The following ARSG variants were observed in gnomAD, a reference collection of about 807,000 sequenced individuals.
ARSG encodes ASG.
Under a neutral mutation model 50.5 loss-of-function variants are expected in ARSG, and 37 were observed. That is an observed-to-expected ratio of 0.73 (90% CI 0.56 to 0.96). The LOEUF is 0.96. Ranked by LOEUF, ARSG falls within the 50% of genes least tolerant of loss-of-function variation. The pLI is 0.00. For missense variants in ARSG, 629 were observed against 675.3 expected (o/e 0.93, Z 0.76); for synonymous variants, 225 against 254.6 (o/e 0.88, Z 1.11).
Position 68,299,628 on chromosome 17 carries a change from G to A in ARSG, c.-551-7315G>A, listed in dbSNP as rs554587555. On this transcript the variant is annotated intron_variant, in intron 1 of 11. Coordinates refer to ENST00000621439, the MANE Select transcript of ARSG (RefSeq NM_001267727.2). ...TGAGAAATGTTACAGGGCAAACACC[G>A]TAATTTATTTACAAATCTATGCAGA... 5.3e-5 allele frequency among the ~76,000 whole-genome samples: 8 copies of A among 152,150 alleles called. No individual in the cohort carries two copies. In the East Asian group the frequency reaches 5.8e-4, roughly 11 times the overall value.
chr17:68,445,704 T>G, the ARSG span, among the ~76,000 whole-genome samples: 1 of 152,184 alleles, frequency 6.6e-6, no homozygotes, highest in Non-Finnish European at 1.5e-5. Context: ...ATCGGGTGTT[T>G]AAAGGAATAT....
chr17:68,365,752 T>C (rs1290838045), intron 6 of ARSG, among the ~76,000 whole-genome samples: 1 of 152,124 alleles, frequency 6.6e-6, no homozygotes. Context: ...GATTTCCAGC[T>C]ATGGAGATGT....
the ARSG span, among the ~76,000 whole-genome samples, chr17:68,437,948 TA>T: frequency 0.16 from 12,115 of 77,434 alleles, 816 homozygotes; most frequent in East Asian, 0.28. Flanking sequence ...ACATCTCTCT[TA>T]AAAAAAAAAA....
Position 68,282,724 on chromosome 17 carries a change from A to G in ARSG, c.-552+23298A>G, listed in dbSNP as rs1599549086. 2.1e-5 allele frequency among the ~76,000 whole-genome samples: 3 copies of G among 144,738 alleles called. No individual in the cohort carries two copies. The South Asian group carries it at 6.9e-4, about 33-fold the overall frequency. 95.0% of individuals were successfully genotyped at this position (144,738 alleles called of 152,430 possible). Reference sequence around the variant, plus strand: ...TTTGGGAGGCCGAGATGGGTGGATCATGAGGTCAGGAGTTTGAGAGCAGTC... The same window carrying G: ...TTTGGGAGGCCGAGATGGGTGGATCGTGAGGTCAGGAGTTTGAGAGCAGTC... On this transcript the variant is annotated intron_variant, in intron 1 of 11. Coordinates refer to the ARSG transcript ENST00000448504.
chr17:68,428,896 C>T, the ARSG span: 1 of 1,614,012 alleles, frequency 6.2e-7, no homozygotes, highest in Admixed American at 1.7e-5. Flanking sequence ...TAAAGGTGTC[C>T]ACTGGATGAC....
chr17:68,264,501 G>A (rs142433983), intron 1 of ARSG, among the ~76,000 whole-genome samples: 51 of 152,016 alleles, frequency 3.4e-4, no homozygotes, highest in African/African-American at 1.1e-3. Context: ...GTACAATGGC[G>A]CAATCTTGGC....
the ARSG span, chr17:68,429,979 G>A: frequency 6.2e-7 from 1 of 1,613,898 alleles, no homozygotes; most frequent in Non-Finnish European, 8.5e-7. Context: ...GTTCAGAGTG[G>A]GTGTCATTGT....
intron 11 of ARSG, among the ~76,000 whole-genome samples, chr17:68,412,011 T>G (rs1400272338): frequency 6.6e-6 from 1 of 152,220 alleles, no homozygotes; most frequent in Admixed American, 6.5e-5. Flanking sequence ...AGCCTATGTG[T>G]GTCTCTGCAG....
At chr17:68,318,661 G>A (rs1599699856) in intron 2 of ARSG, among the ~76,000 whole-genome samples, 1 of 152,182 alleles carries the variant, frequency 6.6e-6, no homozygotes, top group Non-Finnish European at 1.5e-5. Context: ...ACTTATGTAC[G>A]TTGATTTGCA....
chr17:68,421,657 C>T (rs996553791), downstream of ARSG: 34 of 1,463,178 alleles, frequency 2.3e-5, no homozygotes, highest in Admixed American at 1.5e-4. Flanking sequence ...GTGGAGCACC[C>T]GGGATTCCTG....
rs986392157 is a variant in ARSG at position 68,356,770 on chromosome 17, G to T, written c.670G>T (p.Ala224Ser). The change falls in exon 6 of 12, where the codon GCT becomes TCT. Residue 224 changes from alanine (A) to serine (S), a missense_variant. Ala to Ser is a moderately conservative substitution (Grantham distance 99). Transcript: ENST00000621439. ...VNLSSLAQKY[A>S]EKATQFIQRA... is the part of the protein sequence containing the mutation. Reference sequence around the variant, plus strand: ...CTTGAGCAGCCTTGCCCAGAAGTATGCTGAGAAAGCAACCCAGTTCATCCA... The same window carrying T: ...CTTGAGCAGCCTTGCCCAGAAGTATTCTGAGAAAGCAACCCAGTTCATCCA... 6.2e-7 allele frequency: 1 copy of T among 1,614,158 alleles called. No individual in the cohort carries two copies. The highest frequency in any genetic ancestry group is 8.5e-7 in the Non-Finnish European group (1 of 1,180,024).
At chr17:68,302,103 TGTCA>T (rs1555762109) in intron 1 of ARSG, among the ~76,000 whole-genome samples, 1 of 152,176 alleles carries the variant, frequency 6.6e-6, no homozygotes, top group East Asian at 1.9e-4. Context: ...GTTTAAAATC[TGTCA>T]GTCAGTACAA....
intron 2 of ARSG, among the ~76,000 whole-genome samples, chr17:68,329,497 A>G (rs944399055): frequency 3.9e-5 from 6 of 152,252 alleles, no homozygotes; most frequent in Admixed American, 3.3e-4. Context: ...CCCACATTGG[A>G]CAGCTCTGGT....
At chr17:68,336,509 C>T (rs941088716) in intron 2 of ARSG, among the ~76,000 whole-genome samples, 4 of 152,084 alleles carry the variant, frequency 2.6e-5, no homozygotes, top group African/African-American at 9.7e-5. Flanking sequence ...CACACCTGGC[C>T]AAGATCATGT....
In ARSG at chr17:68,367,058, G is replaced by A. The variant is rs933343983; in HGVS notation, c.705-1490G>A. Among the ~76,000 whole-genome samples, 9 of 152,170 alleles carry A rather than the reference G, an allele frequency of 5.9e-5. No homozygotes were observed. Among genetic ancestry groups the A allele is most frequent in the Non-Finnish European group, 1.0e-4 (7 of 68,040 alleles). On this transcript the variant is annotated intron_variant, in intron 6 of 11. Transcript: ENST00000621439. This position sits in a 1 kb window ranked among gnomAD's most constrained non-coding sequence, Gnocchi z 4.5. ...TTTCCGGGTCCACCCATGTGCTAGC[G>A]TGTGGGCCATGGAACTTTTAATATG...
intron 1 of ARSG, among the ~76,000 whole-genome samples, chr17:68,281,886 C>T (rs550377672): frequency 6.6e-6 from 1 of 152,176 alleles, no homozygotes; most frequent in Non-Finnish European, 1.5e-5. Context: ...TATAGGAACA[C>T]TTTTACACTG....
intron 2 of ARSG, among the ~76,000 whole-genome samples, chr17:68,320,289 TAA>T (rs1406336852): frequency 2.4e-5 from 3 of 125,102 alleles, no homozygotes; most frequent in Non-Finnish European, 5.2e-5. Context: ...GACTCCGTCT[TAA>T]AAAAAAAAAA....
At chr17:68,382,732 C>T (rs1192240661) in intron 8 of ARSG, among the ~76,000 whole-genome samples, 1 of 152,208 alleles carries the variant, frequency 6.6e-6, no homozygotes, top group East Asian at 1.9e-4. Flanking sequence ...ACAGTATCTG[C>T]GCTGTTGGTG....
chr17:68,343,888 A>G, intron 3 of ARSG, 97 bp downstream of exon 3: 2 of 1,286,634 alleles, frequency 1.6e-6, no homozygotes, highest in East Asian at 2.5e-5. Flanking sequence ...TTTCCTGTTC[A>G]TGTCTTGCTG....
Sources: allele counts gnomAD v4.1 joint callset (sites outside exome capture counted in the v4.1 genomes callset), GRCh38; gene constraint gnomAD v4.1.1; non-coding constraint Gnocchi (gnomAD v3.1); transcripts MANE v1.5; gene names NCBI Gene and HGNC (gene_info 2026-07-23, HGNC 2026-07-21).